Variants in CMBL observed in about 807,000 individuals in gnomAD.
CMBL encodes the protein carboxymethylenebutenolidase homolog, also known as carboxymethylenebutenolidase homolog (Pseudomonas).
Under a neutral mutation model 28.7 loss-of-function variants are expected in CMBL, and 17 were observed. The observed-to-expected ratio is 0.59, with a 90% CI of 0.41 to 0.89. CMBL has a LOEUF of 0.89. Ranked by LOEUF, CMBL falls within the 40% of genes least tolerant of loss-of-function variation. The probability of loss-of-function intolerance (pLI) is 0.00; values close to 1 mark genes in which losing one functional copy is unlikely to be tolerated. For missense variants in CMBL, 310 were observed against 298.5 expected (o/e 1.04, Z -0.28); for synonymous variants, 106 against 101.6 (o/e 1.04, Z -0.26).
intron 1 of CMBL, among the ~76,000 whole-genome samples, chr5:10,300,504 T>C (rs1746880591): frequency 6.6e-6 from 1 of 152,112 alleles, no homozygotes; most frequent in Non-Finnish European, 1.5e-5. Context: ...AATTTATCAA[T>C]ATAATAAATC....
In CMBL at chr5:10,286,449, T is replaced by G; in HGVS notation, c.371A>C (p.Gln124Pro). ...LKYLKQQCHA[Q>P]KIGIVGFCWG... ...GCAGAATCCCACGATGCCAATTTTC[T>G]GGGCATGACACTGTTGTTTCAGATA... The change falls in exon 4 of 6, where the codon CAG (glutamine) becomes CCG (proline). Residue 124 changes from glutamine to proline, a missense_variant. Transcript: ENST00000296658. 6.2e-7 allele frequency: 1 copy of G among 1,614,174 alleles called. No individual in the cohort carries two copies. Among genetic ancestry groups the G allele is most frequent in the Non-Finnish European group, 8.5e-7 (1 of 1,179,990 alleles).
intron 1 of CMBL, among the ~76,000 whole-genome samples, chr5:10,298,613 C>T (rs1194332746): frequency 1.3e-5 from 2 of 152,218 alleles, no homozygotes; most frequent in Non-Finnish European, 2.9e-5. Flanking sequence ...CCCATTTGGG[C>T]TGAGTGCGGT....
At chr5:10,296,673 G>A (rs1342288879) in intron 1 of CMBL, among the ~76,000 whole-genome samples, 1 of 152,198 alleles carries the variant, frequency 6.6e-6, no homozygotes, top group Non-Finnish European at 1.5e-5. Context: ...AGGAATCAGC[G>A]AGTGAGGAAT....
chr5:10,299,279 A>G (rs1233887737), intron 1 of CMBL, among the ~76,000 whole-genome samples: 1 of 152,206 alleles, frequency 6.6e-6, no homozygotes, highest in African/African-American at 2.4e-5. Flanking sequence ...AATTTACAAA[A>G]AAGTACACCT....
chr5:10,297,624 C>G (rs1746831165), intron 1 of CMBL, among the ~76,000 whole-genome samples: 1 of 148,054 alleles, frequency 6.8e-6, no homozygotes, highest in Non-Finnish European at 1.5e-5. Context: ...AGGGAAGACA[C>G]AGGGATGAGC....
intron 1 of CMBL, among the ~76,000 whole-genome samples, chr5:10,303,289 A>G (rs1746944160): frequency 6.6e-6 from 1 of 152,196 alleles, no homozygotes; most frequent in Non-Finnish European, 1.5e-5. Context: ...TATAAAACCA[A>G]GCTGTAACTC....
At chr5:10,285,544 C>T (rs1746583512) in intron 4 of CMBL, among the ~76,000 whole-genome samples, 1 of 148,970 alleles carries the variant, frequency 6.7e-6, no homozygotes, top group Admixed American at 6.7e-5. Context: ...GCCATCTGCC[C>T]ATCTTGGACT....
chr5:10,305,675 G>A (rs1352382112), intron 1 of CMBL, among the ~76,000 whole-genome samples: 2 of 152,078 alleles, frequency 1.3e-5, no homozygotes, highest in Non-Finnish European at 2.9e-5. Flanking sequence ...TGGTTCAAAC[G>A]ATATTCCTGC....
At chr5:10,292,826 CAAAAAAAAA>C (rs34798121) in intron 1 of CMBL, among the ~76,000 whole-genome samples, 1 of 107,272 alleles carries the variant, frequency 9.3e-6, no homozygotes. Flanking sequence ...CTCTGTCTCA[CAAAAAAAAA>C]AAAAAAAAAA....
intron 1 of CMBL, among the ~76,000 whole-genome samples, chr5:10,306,592 CAGG>C (rs1195265673): frequency 6.6e-6 from 1 of 152,168 alleles, no homozygotes; most frequent in Non-Finnish European, 1.5e-5. Flanking sequence ...ATGGGAAAGG[CAGG>C]AGGTTTCTCC....
At chr5:10,291,667 A>C (rs1306563526) in intron 1 of CMBL, among the ~76,000 whole-genome samples, 1 of 82,952 alleles carries the variant, frequency 1.2e-5, no homozygotes, top group Admixed American at 1.1e-4. Flanking sequence ...TCTCAAAAAC[A>C]AAAAAAAAAA....
Position 10,282,256 on chromosome 5 carries a change from A to C in CMBL, c.499T>G (p.Leu167Val). The change falls in exon 5 of 6, where the codon TTA becomes GTA. Residue 167 changes from leucine (L) to valine (V), a missense_variant. Coordinates refer to ENST00000296658, the MANE Select transcript of CMBL (RefSeq NM_138809.4). ...AAAATGAACAAAGTGGGGTTCTTTAAATTGTAAATGTCTTCAGAATCCTTG... is the reference window on the plus strand; with the variant it reads ...AAAATGAACAAAGTGGGGTTCTTTACATTGTAAATGTCTTCAGAATCCTTG... ...IVKDSEDIYN[L>V]KNPTLFIFAE... 1.2e-6 allele frequency: 2 copies of C among 1,612,574 alleles called. No individual in the cohort carries two copies. Among genetic ancestry groups the C allele is most frequent in the African/African-American group, 2.7e-5 (2 of 75,010 alleles).
rs1289482844 is a variant in CMBL at position 10,277,828 on chromosome 5, C to T, written c.*2625G>A. On this transcript the variant is annotated 3_prime_UTR_variant, in exon 6 of 6. Transcript: ENST00000296658. ...AAGGACTCAGCAGAGGGAAGGCTGC[C>T]CAGGCCCCAAGCTCACCATGAAGGA... Among the ~76,000 whole-genome samples the T allele has an allele frequency of 6.6e-6, 1 of 152,198 alleles. No homozygotes were observed. The highest frequency in any genetic ancestry group is 2.4e-5 in the African/African-American group (1 of 41,436).
intron 1 of CMBL, among the ~76,000 whole-genome samples, chr5:10,295,721 G>C (rs1746797490): frequency 1.3e-5 from 2 of 152,158 alleles, no homozygotes; most frequent in South Asian, 4.1e-4. Flanking sequence ...GCAGACATTG[G>C]ATCTGCCAGC....
intron 1 of CMBL, among the ~76,000 whole-genome samples, chr5:10,302,511 T>C (rs1001759534): frequency 1.9e-4 from 28 of 145,742 alleles, no homozygotes; most frequent in Non-Finnish European, 3.9e-4. Context: ...TAGCCAGGCA[T>C]GGTGGTGCAT....
At chr5:10,282,356 GC>G in intron 4 of CMBL, 68 bp from the exon 5 acceptor site, 1 of 905,432 alleles carries the variant, frequency 1.1e-6, no homozygotes, top group Non-Finnish European at 1.8e-6. Context: ...CCACACCCAT[GC>G]CGCATGATCC....
intron 2 of CMBL, among the ~76,000 whole-genome samples, chr5:10,288,849 G>C (rs1232529102): frequency 1.3e-5 from 2 of 152,196 alleles, no homozygotes; most frequent in African/African-American, 2.4e-5. Context: ...TGGGCCTGAC[G>C]TGGGTGGCTT....
intron 1 of CMBL, among the ~76,000 whole-genome samples, chr5:10,295,199 T>C (rs1305554183): frequency 3.3e-5 from 5 of 152,014 alleles, no homozygotes; most frequent in Admixed American, 2.0e-4. Flanking sequence ...TTCTCCTGCC[T>C]CAGCCTCCCT....
intron 1 of CMBL, among the ~76,000 whole-genome samples, chr5:10,302,130 GC>G (rs1293780635): frequency 2.0e-5 from 3 of 152,170 alleles, no homozygotes; most frequent in African/African-American, 7.2e-5. Context: ...TCCACAATGG[GC>G]AGGGCGAACA....
Sources: gnomAD v4.1 joint callset for allele counts (sites outside exome capture counted in the v4.1 genomes callset) on GRCh38, gnomAD v4.1.1 for gene constraint, MANE v1.5 for transcripts, NCBI Gene and HGNC (gene_info 2026-07-23, HGNC 2026-07-21) for gene names.